MCPH1: variants seen among roughly 807,000 people sequenced by gnomAD.
The protein encoded by MCPH1 is microcephalin.
A neutral mutation model predicts 84.5 loss-of-function variants in MCPH1; 104 were observed. That is an observed-to-expected ratio of 1.23 (90% CI 1.05 to 1.45). MCPH1 has a LOEUF of 1.45. Ranked by LOEUF, MCPH1 falls within the 40% of genes most tolerant of loss-of-function variation. The pLI is 0.00. For missense variants in MCPH1, 1,498 were observed against 1,005.7 expected (o/e 1.49, Z -6.62); for synonymous variants, 514 against 366.8 (o/e 1.40, Z -4.58).
intron 8 of MCPH1, chr8:6,447,551 GT>G: frequency 4.0e-6 from 2 of 505,522 alleles, no homozygotes; most frequent in African/African-American, 4.1e-5. Flanking sequence ...GTTTTGTTTT[GT>G]TTTTTAGTTT....
At chr8:6,611,626 A>AT (rs144472868) in intron 12 of MCPH1, among the ~76,000 whole-genome samples, 74,550 of 150,408 alleles carry the variant, frequency 0.5, 19,046 homozygotes, top group Middle Eastern at 0.57. Context: ...ATTTTTTTTT[A>AT]TTTTTTTTTA....
At chr8:6,447,951 A>T (rs1257140658) in intron 8 of MCPH1, among the ~76,000 whole-genome samples, 1 of 152,138 alleles carries the variant, frequency 6.6e-6, no homozygotes, top group Non-Finnish European at 1.5e-5. Context: ...TTCCCATTGT[A>T]ACAAAGATTG....
intron 12 of MCPH1, among the ~76,000 whole-genome samples, chr8:6,516,675 T>C (rs745369430): frequency 3.9e-5 from 6 of 152,252 alleles, no homozygotes; most frequent in Non-Finnish European, 7.3e-5. Context: ...AGGATTCATG[T>C]ACATATATTG....
At chr8:6,579,047 G>A (rs545504532) in intron 12 of MCPH1, among the ~76,000 whole-genome samples, 102 of 152,316 alleles carry the variant, frequency 6.7e-4, no homozygotes, top group Admixed American at 2.0e-3. Flanking sequence ...GAGGCCCTGT[G>A]GGATGGAGGC....
At chr8:6,577,374 A>G (rs2442590) in intron 12 of MCPH1, among the ~76,000 whole-genome samples, 131,311 of 152,200 alleles carry the variant, frequency 0.86, 57,086 homozygotes, top group East Asian at 0.99. Context: ...ACATAGAATC[A>G]AATTATCAAA....
At chr8:6,593,919 G>C (rs1828715224) in intron 12 of MCPH1, among the ~76,000 whole-genome samples, 1 of 152,148 alleles carries the variant, frequency 6.6e-6, no homozygotes, top group Admixed American at 6.5e-5. Context: ...CCATCAGAAG[G>C]ACCCCCGCTG....
At chr8:6,553,988 CAT>C (rs1824142806) in intron 12 of MCPH1, among the ~76,000 whole-genome samples, 2 of 152,032 alleles carry the variant, frequency 1.3e-5, no homozygotes, top group East Asian at 1.9e-4. Context: ...CTGTTAGTGA[CAT>C]AGAGAGACGA....
chr8:6,408,992 T>C (rs1798152942), intron 1 of MCPH1, among the ~76,000 whole-genome samples: 1 of 152,038 alleles, frequency 6.6e-6, no homozygotes, highest in Non-Finnish European at 1.5e-5. Context: ...TTCAAGTGAT[T>C]CTCCTGCCTC....
intron 12 of MCPH1, chr8:6,501,958 A>C (rs565817663): frequency 6.6e-6 from 1 of 151,508 alleles, no homozygotes; most frequent in African/African-American, 2.4e-5. Flanking sequence ...GCTGATTGAC[A>C]TAAAAAAACT....
chr8:6,534,050 C>A (rs1278713701), intron 12 of MCPH1, among the ~76,000 whole-genome samples: 2 of 152,156 alleles, frequency 1.3e-5, no homozygotes, highest in East Asian at 3.9e-4. Flanking sequence ...CAGCTCCCTG[C>A]ATGCCCCTCA....
Position 6,621,488 on chromosome 8 carries a change from C to G in MCPH1, c.2249C>G (p.Pro750Arg), listed in dbSNP as rs765181940. 17 of 1,614,004 alleles carry G rather than the reference C, an allele frequency of 1.1e-5. No homozygotes were observed. Among genetic ancestry groups the G allele is most frequent in the Admixed American group, 1.7e-5 (1 of 60,016 alleles). Residue 750 changes from proline to arginine, a missense_variant, in exon 13 of 14, where the codon CCG becomes CGG. Pro to Arg is a moderately radical substitution (Grantham distance 103). Coordinates refer to ENST00000344683, the MANE Select transcript of MCPH1 (RefSeq NM_024596.5). ...CRSECHLSAG[P>R]YRGTLFADQP... ...AGCGAGTGCCACTTGTCTGCAGGGCCGTACCGCGGAACCCTCTTTGCCGAC... is the reference window on the plus strand; with the variant it reads ...AGCGAGTGCCACTTGTCTGCAGGGCGGTACCGCGGAACCCTCTTTGCCGAC...
intron 12 of MCPH1, among the ~76,000 whole-genome samples, chr8:6,590,742 C>T (rs1828394004): frequency 6.6e-6 from 1 of 152,142 alleles, no homozygotes; most frequent in South Asian, 2.1e-4. Context: ...TGCAGTAACC[C>T]TAGGGTAGGT....
chr8:6,530,794 T>C (rs1432653530), intron 12 of MCPH1, among the ~76,000 whole-genome samples: 1 of 152,210 alleles, frequency 6.6e-6, no homozygotes, highest in Non-Finnish European at 1.5e-5. Context: ...CACTACTGTT[T>C]TCTCTGACCT....
At chr8:6,547,589 A>G (rs1277244130) in intron 12 of MCPH1, among the ~76,000 whole-genome samples, 1 of 152,188 alleles carries the variant, frequency 6.6e-6, no homozygotes, top group Non-Finnish European at 1.5e-5. Flanking sequence ...ACCACCGTAG[A>G]ATGGCTGACT....
intron 13 of MCPH1, chr8:6,627,112 G>C (rs1451969236): frequency 3.0e-6 from 3 of 984,376 alleles, no homozygotes; most frequent in African/African-American, 3.5e-5. Context: ...TCTCATGCTG[G>C]CCTGGCTCAT....
chr8:6,421,545 GAAAAAAAAAATTCA>G (rs1342759055), intron 3 of MCPH1, among the ~76,000 whole-genome samples: 2 of 147,126 alleles, frequency 1.4e-5, no homozygotes, highest in East Asian at 3.9e-4. Context: ...ATGGTTAAGA[GAAAAAAAAAATTCA>G]AATGTTTACT....
chr8:6,527,558 T>C (rs756398957), intron 12 of MCPH1: 2 of 1,613,714 alleles, frequency 1.2e-6, no homozygotes, highest in Admixed American at 3.3e-5. Flanking sequence ...TTATTACCTG[T>C]TCTTATCTTG....
intron 12 of MCPH1, among the ~76,000 whole-genome samples, chr8:6,559,955 C>T (rs1825262166): frequency 6.6e-6 from 1 of 152,226 alleles, no homozygotes; most frequent in Non-Finnish European, 1.5e-5. Context: ...AAGCCTGACA[C>T]TTCCTTTGCC....
chr8:6,550,073 C>T (rs1046721772), intron 12 of MCPH1, among the ~76,000 whole-genome samples: 1 of 152,184 alleles, frequency 6.6e-6, no homozygotes, highest in Non-Finnish European at 1.5e-5. Context: ...GTTGCCCACC[C>T]TTTATTTCTA....
Sources: allele counts gnomAD v4.1 joint callset (sites outside exome capture counted in the v4.1 genomes callset), GRCh38; gene constraint gnomAD v4.1.1; transcripts MANE v1.5; gene names NCBI Gene and HGNC (gene_info 2026-07-23, HGNC 2026-07-21).